Variants in DOCK4 observed in about 807,000 individuals in gnomAD.
DOCK4 encodes the protein dedicator of cytokinesis protein 4.
Under a neutral mutation model 268.1 loss-of-function variants are expected in DOCK4, and 97 were observed. The observed-to-expected ratio is 0.36, with a 90% CI of 0.31 to 0.43. The LOEUF (loss-of-function observed/expected upper bound fraction) is 0.43. Ranked by LOEUF, DOCK4 falls within the 20% of genes least tolerant of loss-of-function variation. The pLI is 1.00. For missense variants in DOCK4, 2,145 were observed against 2,455.7 expected (o/e 0.87, Z 2.67); for synonymous variants, 954 against 887.2 (o/e 1.08, Z -1.34).
At chr7:111,744,727 G>A (rs1057375309) in intron 44 of DOCK4, among the ~76,000 whole-genome samples, 2 of 152,162 alleles carry the variant, frequency 1.3e-5, no homozygotes, top group Non-Finnish European at 2.9e-5. Flanking sequence ...AGTAATGGAT[G>A]ACCTCAACTG....
At chr7:112,108,928 G>A (rs1449937355) in intron 1 of DOCK4, among the ~76,000 whole-genome samples, 1 of 152,140 alleles carries the variant, frequency 6.6e-6, no homozygotes, top group Non-Finnish European at 1.5e-5. Flanking sequence ...GGACCAGGAT[G>A]TAAAGGTGAC....
At chr7:111,957,666 A>G (rs1183321715) in intron 8 of DOCK4, among the ~76,000 whole-genome samples, 1 of 152,144 alleles carries the variant, frequency 6.6e-6, no homozygotes, top group Admixed American at 6.5e-5. Context: ...GAAGGCAGGA[A>G]TTTTTTGTTC....
intron 8 of DOCK4, among the ~76,000 whole-genome samples, chr7:111,970,748 G>A (rs544869990): frequency 3.3e-5 from 5 of 152,270 alleles, no homozygotes; most frequent in Middle Eastern, 3.4e-3. Context: ...TTCAGGAGAC[G>A]CTGGGCTGGT....
chr7:111,954,827 G>A (rs1267212326), intron 8 of DOCK4, among the ~76,000 whole-genome samples: 2 of 152,110 alleles, frequency 1.3e-5, no homozygotes, highest in African/African-American at 2.4e-5. Context: ...TTGTTTGTTG[G>A]CGTGCTCTCA....
chr7:111,790,531 G>A lies in DOCK4; in HGVS notation c.3241C>T (p.Leu1081Phe). The change falls in exon 31 of 53, where the codon CTT (leucine) becomes TTT (phenylalanine). Residue 1081 changes from leucine (L) to phenylalanine (F), a missense_variant. By Grantham distance (22) the Leu-to-Phe change is conservative. This residue lies in a region of DOCK4 where 1,598 missense variants were observed against 1,986.7 expected (regional missense o/e 0.80). Coordinates refer to ENST00000428084, the MANE Select transcript of DOCK4 (RefSeq NM_001363540.2). ...AAAATTGGAATCATGACATTCCGAA[G>A]ATCTGGCTGGGGTATCAAGGTCACT... ...LEVTLIPQPD[L>F]RNVMIPIFHD... 6.2e-7 allele frequency: 1 copy of A among 1,613,924 alleles called. No individual in the cohort carries two copies. The highest frequency in any genetic ancestry group is 8.5e-7 in the Non-Finnish European group (1 of 1,179,848).
At chr7:112,066,690 C>CAT (rs751631282) in intron 1 of DOCK4, among the ~76,000 whole-genome samples, 169 of 20,920 alleles carry the variant, frequency 8.1e-3, no homozygotes, top group South Asian at 0.012. Flanking sequence ...TATACATATA[C>CAT]ATATATATAT....
chr7:111,938,723 G>A (rs769367281), intron 11 of DOCK4, among the ~76,000 whole-genome samples: 2 of 152,110 alleles, frequency 1.3e-5, no homozygotes, highest in Non-Finnish European at 2.9e-5. Context: ...CTCAGAATAA[G>A]ACCTTATTTG....
rs752634978 is a variant in DOCK4 at position 111,945,433 on chromosome 7, G to A, written c.783+284C>T. On this transcript the variant is annotated intron_variant, in intron 9 of 52. Coordinates refer to ENST00000428084, the MANE Select transcript of DOCK4 (RefSeq NM_001363540.2). Reference sequence around the variant, plus strand: ...ATTCCTGACCTCAGGTGATCCACCCGCCTCGGCCTCCCAAAGTACTGGGAT... The same window carrying A: ...ATTCCTGACCTCAGGTGATCCACCCACCTCGGCCTCCCAAAGTACTGGGAT... Among the ~76,000 whole-genome samples, 90 of 152,192 alleles carry A rather than the reference G, an allele frequency of 5.9e-4. 1 individual carries two copies. The highest frequency in any genetic ancestry group is 1.0e-3 in the Non-Finnish European group (71 of 67,996).
intron 22 of DOCK4, among the ~76,000 whole-genome samples, chr7:111,866,039 G>T (rs930267894): frequency 6.6e-6 from 1 of 152,318 alleles, no homozygotes; most frequent in South Asian, 2.1e-4. Flanking sequence ...CTAAGGAAAG[G>T]ACCCAACCAA....
chr7:112,200,197 G>A (rs1820790105), intron 1 of DOCK4, among the ~76,000 whole-genome samples: 1 of 152,120 alleles, frequency 6.6e-6, no homozygotes, highest in Admixed American at 6.6e-5. Context: ...TCAATTTAGT[G>A]ACAAGTATTT....
chr7:111,961,726 A>G (rs1048499624), intron 8 of DOCK4, among the ~76,000 whole-genome samples: 4 of 152,242 alleles, frequency 2.6e-5, no homozygotes, highest in Non-Finnish European at 5.9e-5. Flanking sequence ...CTAGACCATT[A>G]AGAAAACATT....
intron 1 of DOCK4, among the ~76,000 whole-genome samples, chr7:112,121,701 C>G (rs1233122671): frequency 6.6e-6 from 1 of 152,170 alleles, no homozygotes; most frequent in African/African-American, 2.4e-5. Context: ...GAAAATAACT[C>G]TAGGCAGGAA....
chr7:112,093,737 A>C lies in DOCK4; in HGVS notation c.38-89606T>G, dbSNP rs544377224. 1.2e-4 allele frequency among the ~76,000 whole-genome samples: 19 copies of C among 152,362 alleles called. No individual in the cohort carries two copies. The South Asian group carries it at 2.9e-3, about 23-fold the overall frequency. ...ATTTTGATTCTAGTTTTTAAGGAAG[A>C]GAACGTCTTACACCCATCTAATATA... On this transcript the variant is annotated intron_variant, in intron 1 of 52. Coordinates refer to ENST00000428084, the MANE Select transcript of DOCK4 (RefSeq NM_001363540.2).
chr7:112,197,634 C>T (rs531633635), intron 1 of DOCK4, among the ~76,000 whole-genome samples: 12 of 152,254 alleles, frequency 7.9e-5, no homozygotes, highest in African/African-American at 2.4e-4. Flanking sequence ...ACTTGAGAAT[C>T]CTTTGTACCC....
At chr7:111,803,099 A>G (rs927750506) in intron 30 of DOCK4, among the ~76,000 whole-genome samples, 16 of 152,242 alleles carry the variant, frequency 1.1e-4, no homozygotes, top group African/African-American at 3.6e-4. Context: ...GGTTTCTTTC[A>G]ATCACAATTC....
At chr7:111,799,883 G>A (rs2078987) in intron 30 of DOCK4, among the ~76,000 whole-genome samples, 40,749 of 152,028 alleles carry the variant, frequency 0.27, 6,061 homozygotes, top group East Asian at 0.53. Flanking sequence ...TGCCACTCTT[G>A]TGGAAACTGT....
intron 1 of DOCK4, among the ~76,000 whole-genome samples, chr7:112,128,864 T>C (rs984162464): frequency 3.3e-5 from 5 of 152,092 alleles, no homozygotes; most frequent in African/African-American, 1.2e-4. Context: ...TATTGTCCTA[T>C]GACCCTGCCA....
intron 1 of DOCK4, among the ~76,000 whole-genome samples, chr7:112,199,755 T>A (rs980474657): frequency 7.2e-5 from 11 of 152,222 alleles, no homozygotes; most frequent in African/African-American, 2.7e-4. Flanking sequence ...CAGTAAACCA[T>A]TATCTTTACT....
rs1327664139 is a variant in DOCK4, at chr7:111,769,599, G to C, written c.3758C>G (p.Pro1253Arg). 6.2e-7 allele frequency: 1 copy of C among 1,613,786 alleles called. No homozygotes were observed. The highest frequency in any genetic ancestry group is 1.1e-5 in the South Asian group (1 of 91,066). ...DRPLREFLTY[P>R]MQTEWQRKEH... ...TTTGCGCTGCCATTCTGTTTGCATG[G>C]GGTAGGTCAGGAACTCCCTGAGGGG... The change falls in exon 37 of 53, where the codon CCC becomes CGC. Residue 1253 changes from proline to arginine, a missense_variant. Physicochemically the swap from Pro to Arg is moderately radical, Grantham distance 103. Transcript: ENST00000428084.
Sources: gnomAD v4.1 joint callset for allele counts (sites outside exome capture counted in the v4.1 genomes callset) on GRCh38, gnomAD v4.1.1 for gene constraint, gnomAD v4.1.1 regional missense constraint, MANE v1.5 for transcripts, NCBI Gene and HGNC (gene_info 2026-07-23, HGNC 2026-07-21) for gene names.